Variants in RIMKLB observed in about 807,000 individuals in gnomAD.
RIMKLB encodes the protein ribosomal modification protein rimK like family member B, also known as beta-citrylglutamate synthase B.
Under a neutral mutation model 32.0 loss-of-function variants are expected in RIMKLB, and 7 were observed. The ratio of observed to expected loss-of-function variants is 0.22; its 90% CI spans 0.12 to 0.41. The LOEUF is 0.41. RIMKLB is among the 10% of genes least tolerant of loss of function. The pLI, the probability that RIMKLB is intolerant of heterozygous loss-of-function variation, is 1.00. For missense variants in RIMKLB, 289 were observed against 498.7 expected (o/e 0.58, Z 4.00); for synonymous variants, 172 against 185.1 (o/e 0.93, Z 0.57).
At chr12:8,701,165 A>G (rs1943360606) in intron 1 of RIMKLB, among the ~76,000 whole-genome samples, 1 of 152,226 alleles carries the variant, frequency 6.6e-6, no homozygotes, top group Non-Finnish European at 1.5e-5. Flanking sequence ...AGCTGTGCTG[A>G]TATGTGCAGT....
intron 5 of RIMKLB, among the ~76,000 whole-genome samples, chr12:8,755,508 C>G (rs1948950054): frequency 6.6e-6 from 1 of 152,152 alleles, no homozygotes; most frequent in South Asian, 2.1e-4. Flanking sequence ...TTGTCAGGAA[C>G]CCCTTGAAAT....
rs756632593 is a variant in RIMKLB, at chr12:8,747,759, A to ATTTT, written c.176-2092_176-2089dup. On this transcript the variant is annotated intron_variant, in intron 2 of 5. Transcript: ENST00000535829. ...GATACAGAAAGATGTCTCTGGTACA[A>ATTTT]TTTTTTTTTTTTTTGAGACAGAGTC... Among the ~76,000 whole-genome samples the ATTTT allele has an allele frequency of 6.0e-3, 868 of 144,928 alleles. 14 individuals are homozygous for ATTTT. Among genetic ancestry groups the ATTTT allele is most frequent in the African/African-American group, 0.021 (837 of 39,996 alleles).
the RIMKLB span, among the ~76,000 whole-genome samples, chr12:8,669,992 A>G: frequency 2.1e-5 from 3 of 139,656 alleles, no homozygotes; most frequent in African/African-American, 8.4e-5. Flanking sequence ...ACGCCACTGC[A>G]CTCCAGCCTG....
In RIMKLB at chr12:8,772,078, G is replaced by A. The variant is rs149282545; in HGVS notation, c.698-1243G>A. Among the ~76,000 whole-genome samples, 609 of 152,176 alleles carry A rather than the reference G, an allele frequency of 4.0e-3. 9 individuals carry two copies. The highest frequency in any genetic ancestry group is 0.014 in the African/African-American group (574 of 41,532). On this transcript the variant is annotated intron_variant, in intron 5 of 5. Coordinates refer to ENST00000535829, the MANE Select transcript of RIMKLB (RefSeq NM_001297776.2). ...TAATTTTTGTATTTTTAGTAGAAACGAGGTTTCACCATGTTGGCCAGGCTG... is the reference window on the plus strand; with the variant it reads ...TAATTTTTGTATTTTTAGTAGAAACAAGGTTTCACCATGTTGGCCAGGCTG...
chr12:8,708,741 A>G (rs1785235520), intron 1 of RIMKLB, among the ~76,000 whole-genome samples: 1 of 152,202 alleles, frequency 6.6e-6, no homozygotes, highest in Non-Finnish European at 1.5e-5. Flanking sequence ...ATGTCTGCTT[A>G]TTTCCTATTT....
chr12:8,765,496 C>T (rs372698841), intron 5 of RIMKLB, among the ~76,000 whole-genome samples: 12 of 152,148 alleles, frequency 7.9e-5, no homozygotes, highest in Middle Eastern at 3.2e-3. Context: ...TTAGCAGTAA[C>T]ATTATATCTC....
upstream of RIMKLB, among the ~76,000 whole-genome samples, chr12:8,696,495 C>T (rs1239255591): frequency 6.6e-6 from 1 of 152,324 alleles, no homozygotes; most frequent in East Asian, 1.9e-4. Flanking sequence ...AGCACTTGAT[C>T]TGTGTCAGCT....
chr12:8,746,346 C>A (rs1460795080), intron 2 of RIMKLB, among the ~76,000 whole-genome samples: 2 of 151,674 alleles, frequency 1.3e-5, no homozygotes, highest in African/African-American at 4.9e-5. Flanking sequence ...TGCCTGTAAT[C>A]CCAGCACTTT....
intron 2 of RIMKLB, among the ~76,000 whole-genome samples, chr12:8,723,664 A>C (rs1945685331): frequency 6.6e-6 from 1 of 151,722 alleles, no homozygotes; most frequent in Non-Finnish European, 1.5e-5. Flanking sequence ...CTAGATGTTT[A>C]TTTCTCTCTA....
Position 8,749,900 on chromosome 12 carries a change from C to G in RIMKLB, c.214C>G (p.Gln72Glu), listed in dbSNP as rs766445449. The change falls in exon 3 of 6, where the codon CAA becomes GAA. Residue 72 changes from glutamine (Q) to glutamate (E), a missense_variant. This residue lies in a region of RIMKLB where 156 missense variants were observed against 329.5 expected (regional missense o/e 0.47). Coordinates refer to ENST00000535829, the MANE Select transcript of RIMKLB (RefSeq NM_001297776.2). ...TGGAGAGCTAATCACTGCCTACCCA[C>G]AAGTGGTGGTAGTCAGAGTACCAAC... ...INGELITAYP[Q>E]VVVVRVPTPW... The G allele has an allele frequency of 6.8e-6, 11 of 1,611,698 alleles. No homozygotes were observed. In the South Asian group the frequency reaches 1.2e-4, roughly 18 times the overall value.
At chr12:8,745,475 A>G (rs1268654829) in intron 2 of RIMKLB, among the ~76,000 whole-genome samples, 1 of 151,090 alleles carries the variant, frequency 6.6e-6, no homozygotes, top group Non-Finnish European at 1.5e-5. Flanking sequence ...GCTCACCGCA[A>G]CCTCCGCCTC....
chr12:8,767,292 G>A (rs2138146425), intron 5 of RIMKLB, among the ~76,000 whole-genome samples: 1 of 152,296 alleles, frequency 6.6e-6, no homozygotes, highest in South Asian at 2.1e-4. Context: ...GCCCTGGCAA[G>A]GGTGGTGGGG....
intron 2 of RIMKLB, among the ~76,000 whole-genome samples, chr12:8,738,988 G>A (rs1326232055): frequency 1.3e-5 from 2 of 152,206 alleles, no homozygotes; most frequent in Non-Finnish European, 2.9e-5. Context: ...TGTCACATTT[G>A]AGGTTAACAC....
intron 5 of RIMKLB, among the ~76,000 whole-genome samples, chr12:8,768,978 ATC>A (rs1421110363): frequency 2.6e-5 from 4 of 152,150 alleles, no homozygotes; most frequent in Non-Finnish European, 4.4e-5. Context: ...TTTTCATTAT[ATC>A]TCTCTTCCTA....
chr12:8,698,199 C>T lies in RIMKLB; in HGVS notation c.-155C>T, dbSNP rs369953246. The T allele has an allele frequency of 5.5e-6, 2 of 364,154 alleles. No individual in the cohort carries two copies. Among genetic ancestry groups the T allele is most frequent in the African/African-American group, 2.2e-5 (1 of 44,780 alleles). 22.6% of individuals were successfully genotyped at this position (364,154 alleles called of 1,614,324 possible). A position where few individuals can be genotyped will look rare whatever the true frequency, so the allele number is the denominator to read the frequency against. ...GGTATCCCGACCCCCTCCCCCTCCT[C>T]TCCTTCCCCCACTTCCAGCCGCCCG... is the stretch of plus-strand genomic sequence containing the variant. On this transcript the variant is annotated 5_prime_UTR_variant, in exon 1 of 6. Transcript: ENST00000535829.
intron 5 of RIMKLB, among the ~76,000 whole-genome samples, chr12:8,763,934 G>C (rs1949736402): frequency 6.6e-6 from 1 of 152,158 alleles, no homozygotes. Context: ...TGCAGAAAAA[G>C]GCATCCTTAA....
At chr12:8,779,893 T>C (rs1206852182), downstream of RIMKLB, 1 of 104,664 alleles carries the variant, frequency 9.6e-6, no homozygotes, top group African/African-American at 2.8e-5. Context: ...CTAATTCTTT[T>C]ATGTATGTAT....
chr12:8,752,786 G>A (rs1158078607), intron 4 of RIMKLB, among the ~76,000 whole-genome samples: 1 of 151,634 alleles, frequency 6.6e-6, no homozygotes, highest in African/African-American at 2.4e-5. Flanking sequence ...TGTTGCCCAG[G>A]CTGGAGTGCA....
chr12:8,755,657 C>T (rs1565404538), intron 5 of RIMKLB, among the ~76,000 whole-genome samples: 1 of 152,140 alleles, frequency 6.6e-6, no homozygotes, highest in Non-Finnish European at 1.5e-5. Context: ...CTCTTCCTAA[C>T]ACCGCAGTGA....
Sources: gnomAD v4.1 joint callset for allele counts (sites outside exome capture counted in the v4.1 genomes callset) on GRCh38, gnomAD v4.1.1 for gene constraint, gnomAD v4.1.1 regional missense constraint, MANE v1.5 for transcripts, NCBI Gene and HGNC (gene_info 2026-07-23, HGNC 2026-07-21) for gene names.